Variants in ANKEF1 observed in about 807,000 individuals in gnomAD.
ANKEF1 encodes ankyrin repeat and EF-hand domain-containing protein 1.
Under a neutral mutation model 65.1 loss-of-function variants are expected in ANKEF1, and 43 were observed. The observed-to-expected ratio is 0.66, with a 90% CI of 0.52 to 0.85. ANKEF1 has a LOEUF of 0.85. Ranked by LOEUF, ANKEF1 falls within the 40% of genes least tolerant of loss-of-function variation. ANKEF1 has a pLI of 0.00. For synonymous variants in ANKEF1, 316 were observed against 341.5 expected (o/e 0.93, Z 0.82); for missense variants, 934 against 952.9 (o/e 0.98, Z 0.26).
chr20:10,041,222 A>G (rs778712766), intron 3 of ANKEF1, among the ~76,000 whole-genome samples: 2 of 151,730 alleles, frequency 1.3e-5, no homozygotes, highest in Non-Finnish European at 2.9e-5. Context: ...ACTTTGCTGT[A>G]TATGTGTGTT....
chr20:10,046,662 G>A (rs1202944272), intron 6 of ANKEF1, among the ~76,000 whole-genome samples: 1 of 152,024 alleles, frequency 6.6e-6, no homozygotes, highest in Non-Finnish European at 1.5e-5. Flanking sequence ...TTTTAACTCT[G>A]TTAGAGATAG....
intron 6 of ANKEF1, among the ~76,000 whole-genome samples, 186 bp from the exon 7 acceptor site, chr20:10,049,204 G>GA (rs926338740): frequency 7.1e-4 from 106 of 148,942 alleles, no homozygotes; most frequent in Admixed American, 1.7e-3. Flanking sequence ...GATGCTCACA[G>GA]AAAAAAAAAA....
In ANKEF1 at chr20:10,053,151, A is replaced by T. The variant is rs1260191523; in HGVS notation, c.1910A>T (p.Tyr637Phe). 1 of 1,610,024 alleles carries T rather than the reference A, an allele frequency of 6.2e-7. No homozygotes were observed. Among genetic ancestry groups the T allele is most frequent in the Non-Finnish European group, 8.5e-7 (1 of 1,178,842 alleles). The stretch of plus-strand genomic sequence containing the variant: ...GACGTTGCAAAGGCATATGCTGATT[A>T]TAGAATAATTGATCTGATTAAAGAA... Reference protein sequence around the residue: ...AMDVAKAYADYRIIDLIKEKL... With the variant: ...AMDVAKAYADFRIIDLIKEKL... The change falls in exon 9 of 11, where the codon TAT (tyrosine) becomes TTT (phenylalanine). Residue 637 changes from tyrosine to phenylalanine, a missense_variant. Transcript: ENST00000378392.
chr20:10,036,509 A>G (rs1337804400), intron 2 of ANKEF1, among the ~76,000 whole-genome samples: 1 of 152,230 alleles, frequency 6.6e-6, no homozygotes, highest in Non-Finnish European at 1.5e-5. Flanking sequence ...AGGCAGCCTC[A>G]GTTGGTTCCC....
At position 10,049,783 on chromosome 20, in the gene ANKEF1, C is replaced by G. The variant is rs192230759; in HGVS notation, c.1214C>G (p.Ser405Cys). Residue 405 changes from serine to cysteine, a missense_variant, in exon 7 of 11, where the codon TCT (serine) becomes TGT (cysteine). Coordinates refer to ENST00000378392, the MANE Select transcript of ANKEF1 (RefSeq NM_022096.6). ...AAAGGAACCAGATATTTAAACAAGT[C>G]TTTTGTCTTAGGATCGTATGGACCT... is the stretch of plus-strand genomic sequence containing the variant. ...FFKGTRYLNK[S>C]FVLGSYGPKK... 8 of 1,614,030 alleles carry G rather than the reference C, an allele frequency of 5.0e-6. No homozygotes were observed. In the African/African-American group the frequency reaches 1.1e-4, roughly 22 times the overall value.
chr20:10,049,481 C>A lies in ANKEF1; in HGVS notation c.912C>A (p.Arg304=), dbSNP rs1296654191. 1 of 1,614,100 alleles carries A rather than the reference C, an allele frequency of 6.2e-7. No individual in the cohort carries two copies. Among genetic ancestry groups the A allele is most frequent in the Admixed American group, 1.7e-5 (1 of 60,004 alleles). ...TCAAAGCAGCAAGCAAAGAAATACG[C>A]CGAGCAGAGAGAATCGCTAATAAAC... ...GGFKAASKEI[R]RAERIANKLA... is the part of the protein sequence containing the mutation. The change falls in exon 7 of 11, where the codon CGC becomes CGA. Residue 304 remains arginine, a synonymous_variant. Transcript: ENST00000378392.
At chr20:10,045,091 T>C (rs1399072006) in intron 5 of ANKEF1, among the ~76,000 whole-genome samples, 2 of 152,236 alleles carry the variant, frequency 1.3e-5, no homozygotes, top group African/African-American at 4.8e-5. Context: ...CTCAATTTCT[T>C]TGAGTTTTAA....
chr20:10,046,902 A>G (rs542011598), intron 6 of ANKEF1, among the ~76,000 whole-genome samples: 102 of 152,324 alleles, frequency 6.7e-4, no homozygotes, highest in Non-Finnish European at 1.2e-3. Flanking sequence ...TACTTTCCCT[A>G]TGTCCCCAGT....
intron 4 of ANKEF1, among the ~76,000 whole-genome samples, chr20:10,043,961 T>C (rs1313049412): frequency 6.6e-6 from 1 of 152,010 alleles, no homozygotes; most frequent in Admixed American, 6.6e-5. Context: ...CCTAGTTCTG[T>C]TGTTATATCA....
chr20:10,043,019 A>G, intron 3 of ANKEF1, 103 bp from the exon 4 acceptor site: 1 of 1,120,234 alleles, frequency 8.9e-7, no homozygotes, highest in Non-Finnish European at 1.3e-6. Context: ...TGAGGCAGAT[A>G]TGCCTTTAAC....
intron 6 of ANKEF1, 123 bp downstream of exon 6, chr20:10,045,820 A>C (rs561036033): frequency 1.1e-6 from 1 of 887,412 alleles, no homozygotes; most frequent in Non-Finnish European, 1.7e-6. Context: ...AACCTCACTC[A>C]TATGTAGAAA....
At chr20:10,046,550 T>A (rs538974602) in intron 6 of ANKEF1, among the ~76,000 whole-genome samples, 2 of 151,706 alleles carry the variant, frequency 1.3e-5, no homozygotes, top group African/African-American at 4.8e-5. Flanking sequence ...ATGAACTATA[T>A]CATATATAGC....
At chr20:10,055,219 C>G (rs1380749122) in intron 10 of ANKEF1, among the ~76,000 whole-genome samples, 1 of 152,176 alleles carries the variant, frequency 6.6e-6, no homozygotes, top group South Asian at 2.1e-4. Context: ...CGCACAGCAG[C>G]TGGTCTGAGC....
At chr20:10,036,570 G>A (rs147190187) in intron 2 of ANKEF1, among the ~76,000 whole-genome samples, 24 of 152,328 alleles carry the variant, frequency 1.6e-4, no homozygotes, top group East Asian at 3.9e-4. Flanking sequence ...GGCCTGGCCC[G>A]GTGGCTCACG....
At chr20:10,044,683 C>A in intron 5 of ANKEF1, 140 bp downstream of exon 5, 1 of 635,222 alleles carries the variant, frequency 1.6e-6, no homozygotes, top group Non-Finnish European at 2.4e-6. Context: ...TTGATTTCCC[C>A]AAATAATTCT....
In ANKEF1 at chr20:10,056,207, T is replaced by C. The variant is rs1416958308; in HGVS notation, c.*547T>C. 1 of 154,206 alleles carries C rather than the reference T, an allele frequency of 6.5e-6. No homozygotes were observed. Among genetic ancestry groups the C allele is most frequent in the Non-Finnish European group, 1.4e-5 (1 of 69,370 alleles). 9.6% of individuals were successfully genotyped at this position (154,206 alleles called of 1,614,324 possible). ...AATATTTAATCTTTTAAGGAAGGAG[T>C]TTATTTCTCACATGCCATTATAAAC... On this transcript the variant is annotated 3_prime_UTR_variant, in exon 11 of 11. Transcript: ENST00000378392.
chr20:10,052,040 CT>C, intron 8 of ANKEF1, 151 bp downstream of exon 8: 1 of 598,426 alleles, frequency 1.7e-6, no homozygotes, highest in Non-Finnish European at 2.8e-6. Context: ...GGAAGTTTAT[CT>C]TATACCAAGT....
At chr20:10,048,054 C>A (rs909313859) in intron 6 of ANKEF1, among the ~76,000 whole-genome samples, 10 of 152,216 alleles carry the variant, frequency 6.6e-5, no homozygotes, top group Admixed American at 1.3e-4. Context: ...AACAGCATAT[C>A]AGAATTAGTA....
chr20:10,035,289 G>C lies in ANKEF1; in HGVS notation c.-153G>C, dbSNP rs1320192592. The C allele has an allele frequency of 6.6e-6, 1 of 152,468 alleles. No homozygotes were observed. Among genetic ancestry groups the C allele is most frequent in the Non-Finnish European group, 1.5e-5 (1 of 68,222 alleles). The allele number at this position is 152,468 out of a possible 1,614,324, so 9.4% of individuals were successfully genotyped here. A position where few individuals can be genotyped will look rare whatever the true frequency, so the allele number is the denominator to read the frequency against. Reference sequence around the variant, plus strand: ...TCGCCCCAGCAGGCCCAGGCACATAGGTGCCCAGAGATCCCTGGCTTCTGA... The same window carrying C: ...TCGCCCCAGCAGGCCCAGGCACATACGTGCCCAGAGATCCCTGGCTTCTGA... On this transcript the variant is annotated 5_prime_UTR_variant, in exon 1 of 11. The change abolishes the stop of an existing upstream ORF in the 5' untranslated region. Transcript: ENST00000378392.
Sources: allele counts gnomAD v4.1 joint callset (sites outside exome capture counted in the v4.1 genomes callset), GRCh38; gene constraint gnomAD v4.1.1; transcripts MANE v1.5; gene names NCBI Gene and HGNC (gene_info 2026-07-23, HGNC 2026-07-21).